The following UHRF2 variants were observed in gnomAD, a reference collection of about 807,000 sequenced individuals.
UHRF2 encodes the protein E3 ubiquitin-protein ligase UHRF2.
In UHRF2, 23 loss-of-function variants were observed where a neutral mutation model predicts 96.8. The ratio of observed to expected loss-of-function variants is 0.24; its 90% CI spans 0.17 to 0.34. UHRF2 has a LOEUF of 0.34. UHRF2 is among the 10% of genes least tolerant of loss of function. UHRF2 has a pLI of 1.00. For missense variants in UHRF2, 685 were observed against 981.5 expected, an observed-to-expected ratio of 0.70 and a Z score of 4.04; for synonymous variants, 385 against 332.6, an observed-to-expected ratio of 1.16 and a Z score of -1.72.
chr9:6,414,350 G>T (rs1366424300), intron 1 of UHRF2, among the ~76,000 whole-genome samples: 2 of 152,170 alleles, frequency 1.3e-5, no homozygotes, highest in East Asian at 1.9e-4. Flanking sequence ...TTTTATTCCC[G>T]AAGTGAAAAG....
intron 3 of UHRF2, among the ~76,000 whole-genome samples, chr9:6,458,825 C>T (rs555050269): frequency 4.6e-5 from 7 of 152,252 alleles, no homozygotes; most frequent in African/African-American, 1.7e-4. Flanking sequence ...CCCAAATGCC[C>T]GTCGATGATA....
intron 3 of UHRF2, among the ~76,000 whole-genome samples, chr9:6,440,478 C>T (rs1363485511): frequency 6.6e-6 from 1 of 152,142 alleles, no homozygotes; most frequent in Non-Finnish European, 1.5e-5. Flanking sequence ...AGACATGGTA[C>T]ATATAATTGA....
chr9:6,490,362 T>C (rs1824586565), intron 9 of UHRF2, among the ~76,000 whole-genome samples: 1 of 152,234 alleles, frequency 6.6e-6, no homozygotes, highest in African/African-American at 2.4e-5. Flanking sequence ...TCACAGTGGC[T>C]CATGCCTGTA....
intron 2 of UHRF2, among the ~76,000 whole-genome samples, chr9:6,432,117 T>C (rs1820588996): frequency 6.6e-6 from 1 of 152,234 alleles, no homozygotes; most frequent in South Asian, 2.1e-4. Context: ...TGAATTAATT[T>C]ATGTAATGTA....
chr9:6,425,772 TTA>T (rs1305060869), intron 2 of UHRF2, among the ~76,000 whole-genome samples: 2 of 12,360 alleles, frequency 1.6e-4, no homozygotes, highest in African/African-American at 6.6e-4. Flanking sequence ...AGTAAATAAA[TTA>T]AAAAAAAAAA....
intron 6 of UHRF2, among the ~76,000 whole-genome samples, chr9:6,481,036 C>G (rs930212978): frequency 4.6e-5 from 7 of 152,192 alleles, no homozygotes; most frequent in Admixed American, 3.3e-4. Flanking sequence ...AGCCTCCTCT[C>G]ATTCTGTAGA....
chr9:6,434,449 C>CT (rs35206063), intron 3 of UHRF2: 175,994 of 241,398 alleles, frequency 0.73, 67,363 homozygotes, highest in Non-Finnish European at 0.81. Flanking sequence ...ATTAGGTGGG[C>CT]TTTTTTTGAG....
At chr9:6,469,825 AAAG>A (rs1179612079) in intron 4 of UHRF2, among the ~76,000 whole-genome samples, 4 of 151,434 alleles carry the variant, frequency 2.6e-5, no homozygotes, top group Non-Finnish European at 5.9e-5. Flanking sequence ...TGGAATTCCT[AAAG>A]AAGAGAGTAG....
In UHRF2 at chr9:6,424,487, CT is replaced by C. The variant is rs1297294495; in HGVS notation, c.384+3351del. On this transcript the variant is annotated intron_variant, in intron 2 of 15. Coordinates refer to ENST00000276893, the MANE Select transcript of UHRF2 (RefSeq NM_152896.3). Reference sequence around the variant, plus strand: ...ACTTAATACATTTTTTACATTATTACTTTTTTATTTGTGTTACCACCTCCAT... The same window carrying C: ...ACTTAATACATTTTTTACATTATTACTTTTTATTTGTGTTACCACCTCCAT... Among the ~76,000 whole-genome samples, 3 of 152,100 alleles carry C rather than the reference CT, an allele frequency of 2.0e-5. No homozygotes were observed. The South Asian group carries it at 6.2e-4, about 32-fold the overall frequency.
intron 10 of UHRF2, 94 bp from the exon 11 acceptor site, chr9:6,497,104 G>GT (rs1156558675): frequency 7.5e-6 from 8 of 1,067,398 alleles, no homozygotes; most frequent in Non-Finnish European, 1.1e-5. Context: ...TAACCATCAG[G>GT]TAAGGTATAA....
chr9:6,427,115 A>G (rs1820305509), intron 2 of UHRF2, among the ~76,000 whole-genome samples: 1 of 152,168 alleles, frequency 6.6e-6, no homozygotes, highest in Non-Finnish European at 1.5e-5. Context: ...TGAGTAGTTA[A>G]TATATAAAAA....
intron 11 of UHRF2, among the ~76,000 whole-genome samples, chr9:6,497,598 G>A (rs1378990848): frequency 1.3e-5 from 2 of 151,676 alleles, no homozygotes; most frequent in Non-Finnish European, 2.9e-5. Flanking sequence ...TAAAATGTAA[G>A]TGTATGTTCT....
At chr9:6,486,961 C>T in intron 9 of UHRF2, 36 bp downstream of exon 9, 1 of 1,589,202 alleles carries the variant, frequency 6.3e-7, no homozygotes, top group South Asian at 1.1e-5. Flanking sequence ...TTAGTACCTG[C>T]CTTGACCATT....
intron 13 of UHRF2, among the ~76,000 whole-genome samples, 180 bp from the exon 14 acceptor site, chr9:6,500,372 A>G (rs1816223687): frequency 6.6e-6 from 1 of 152,216 alleles, no homozygotes; most frequent in Non-Finnish European, 1.5e-5. Flanking sequence ...TCTTTTGTTT[A>G]ATAGTGTCAG....
chr9:6,502,787 C>T (rs1390895161), intron 14 of UHRF2, among the ~76,000 whole-genome samples: 1 of 152,110 alleles, frequency 6.6e-6, no homozygotes, highest in African/African-American at 2.4e-5. Context: ...AAATATTGGT[C>T]ATTAACAAAG....
rs1384876923 is a variant in UHRF2, at chr9:6,460,631, A to G, written c.703A>G (p.Thr235Ala). ...CAAGGATCTTAGACCACGAGCTAGA[A>G]CCATTTTGAAATGGAATGAACTAAA... ...NVKDLRPRAR[T>A]ILKWNELNVG... The change falls in exon 4 of 16, where the codon ACC (threonine) becomes GCC (alanine). Residue 235 changes from threonine to alanine, a missense_variant. Around this residue, in one of 6 missense-constraint regions of UHRF2, gnomAD observed 391 missense variants for 437.0 expected, o/e 0.89. Coordinates refer to ENST00000276893, the MANE Select transcript of UHRF2 (RefSeq NM_152896.3). 6.2e-7 allele frequency: 1 copy of G among 1,612,996 alleles called. No homozygotes were observed.
At position 6,447,941 on chromosome 9, in the gene UHRF2, T is replaced by C. The variant is rs150528914; in HGVS notation, c.645-12632T>C. ...TGGAATAGAACTAAAAACAAGAGGA[T>C]TGGTTAATTTGTATTAACATTTTAA... On this transcript the variant is annotated intron_variant, in intron 3 of 15. Coordinates refer to ENST00000276893, the MANE Select transcript of UHRF2 (RefSeq NM_152896.3). Among the ~76,000 whole-genome samples, 520 of 152,324 alleles carry C rather than the reference T, an allele frequency of 3.4e-3. 2 individuals are homozygous for C. The highest frequency in any genetic ancestry group is 0.012 in the African/African-American group (487 of 41,574).
At chr9:6,468,408 C>T (rs1176064209) in intron 4 of UHRF2, 2 of 455,600 alleles carry the variant, frequency 4.4e-6, no homozygotes, top group South Asian at 1.5e-5. Context: ...CTAAATAGCC[C>T]GATCAAATAG....
chr9:6,491,582 A>G (rs528166837), intron 9 of UHRF2, among the ~76,000 whole-genome samples: 2 of 152,338 alleles, frequency 1.3e-5, no homozygotes, highest in African/African-American at 4.8e-5. Flanking sequence ...CTGATAGTCT[A>G]TAGGGAGGAG....
Sources: gnomAD v4.1 joint callset for allele counts (sites outside exome capture counted in the v4.1 genomes callset) on GRCh38, gnomAD v4.1.1 for gene constraint, gnomAD v4.1.1 regional missense constraint, MANE v1.5 for transcripts, NCBI Gene and HGNC (gene_info 2026-07-23, HGNC 2026-07-21) for gene names.